Variants in LRMDA observed in about 807,000 individuals in gnomAD.
LRMDA encodes leucine-rich melanocyte differentiation-associated protein.
In LRMDA, 18 loss-of-function variants were observed where a neutral mutation model predicts 29.8. That is an observed-to-expected ratio of 0.60 (90% CI 0.42 to 0.90). The LOEUF (loss-of-function observed/expected upper bound fraction) is 0.90. Among genes scored for constraint, LRMDA ranks in the 40% least tolerant of loss-of-function variants. The pLI, the probability that LRMDA is intolerant of heterozygous loss-of-function variation, is 0.00. For synonymous variants in LRMDA, 125 were observed against 109.4 expected (o/e 1.14, Z -0.89); for missense variants, 273 against 273.9 (o/e 1.00, Z 0.02).
intron 2 of LRMDA, among the ~76,000 whole-genome samples, chr10:75,580,410 A>T (rs1207190576): frequency 6.6e-6 from 1 of 152,246 alleles, no homozygotes. Context: ...GCTCAAGGAA[A>T]TAAAAGAGGA....
chr10:75,439,070 A>C (rs1844296626), intron 2 of LRMDA, among the ~76,000 whole-genome samples: 1 of 152,200 alleles, frequency 6.6e-6, no homozygotes, highest in Non-Finnish European at 1.5e-5. Context: ...ACTCTCTGAC[A>C]ACTGTTCCAG....
intron 6 of LRMDA, among the ~76,000 whole-genome samples, chr10:76,542,064 T>C (rs1182527154): frequency 6.6e-6 from 1 of 152,042 alleles, no homozygotes. Context: ...CGTGTGTGTG[T>C]GTGTGTGTGT....
At chr10:75,520,828 T>G (rs575470319) in intron 2 of LRMDA, among the ~76,000 whole-genome samples, 5 of 152,326 alleles carry the variant, frequency 3.3e-5, no homozygotes, top group African/African-American at 7.2e-5. Context: ...TTTATCTACC[T>G]TTGGTCTTTG....
chr10:75,788,056 C>T (rs1424958521), intron 2 of LRMDA, among the ~76,000 whole-genome samples: 1 of 123,922 alleles, frequency 8.1e-6, no homozygotes, highest in African/African-American at 2.8e-5. Flanking sequence ...CAAAAATTAG[C>T]TGGACGTGGT....
chr10:75,716,684 G>T lies in LRMDA; in HGVS notation c.131+278190G>T, dbSNP rs556769897. Among the ~76,000 whole-genome samples the T allele has an allele frequency of 7.9e-5, 12 of 152,230 alleles. No individual in the cohort carries two copies. The East Asian group carries it at 2.1e-3, about 27-fold the overall frequency. Reference sequence around the variant, plus strand: ...CATGGGGGTTCGATGGTGCCACTTGGGAGGGCCCTCCTCCCTGCCTCCTTC... The same window carrying T: ...CATGGGGGTTCGATGGTGCCACTTGTGAGGGCCCTCCTCCCTGCCTCCTTC... On this transcript the variant is annotated intron_variant, in intron 2 of 6. Coordinates refer to ENST00000611255, the MANE Select transcript of LRMDA (RefSeq NM_001305581.2).
In LRMDA at chr10:75,664,142, G is replaced by A. The variant is rs575297551; in HGVS notation, c.131+225648G>A. Reference sequence around the variant, plus strand: ...GCTGTTTTTATCCTTGGTCTAGATCGCTGACTCATGTGTTCTGTCTCTGGG... The same window carrying A: ...GCTGTTTTTATCCTTGGTCTAGATCACTGACTCATGTGTTCTGTCTCTGGG... On this transcript the variant is annotated intron_variant, in intron 2 of 6. Transcript: ENST00000611255. Among the ~76,000 whole-genome samples the A allele has an allele frequency of 9.9e-5, 15 of 152,100 alleles. No individual in the cohort carries two copies. In the South Asian group the frequency reaches 1.9e-3, roughly 19 times the overall value.
chr10:75,749,025 G>T (rs1744735661), intron 2 of LRMDA, among the ~76,000 whole-genome samples: 2 of 152,078 alleles, frequency 1.3e-5, no homozygotes, highest in Admixed American at 1.3e-4. Context: ...CCACTTATAT[G>T]TGGATTTTTT....
chr10:75,888,924 G>T (rs913480152), intron 2 of LRMDA, among the ~76,000 whole-genome samples: 3 of 152,192 alleles, frequency 2.0e-5, no homozygotes, highest in Non-Finnish European at 4.4e-5. Flanking sequence ...TGGGCCTTTT[G>T]TAGCAATCTA....
intron 6 of LRMDA, among the ~76,000 whole-genome samples, chr10:76,488,184 T>C (rs147310713): frequency 2.6e-3 from 401 of 151,990 alleles, no homozygotes; most frequent in African/African-American, 9.3e-3. Flanking sequence ...CTGTTTTTCT[T>C]TTCCTTTTCT....
intron 2 of LRMDA, among the ~76,000 whole-genome samples, chr10:75,777,076 C>A (rs935764868): frequency 6.6e-6 from 1 of 152,166 alleles, no homozygotes; most frequent in Non-Finnish European, 1.5e-5. Context: ...GCCGGGTTTA[C>A]TCTGTTTGTA....
At chr10:76,094,260 T>A (rs1393377857) in intron 5 of LRMDA, among the ~76,000 whole-genome samples, 1 of 152,234 alleles carries the variant, frequency 6.6e-6, no homozygotes, top group Non-Finnish European at 1.5e-5. Flanking sequence ...GCATGTGTAC[T>A]GTAGATAAGT....
At chr10:75,436,501 T>G (rs1433956711) in intron 1 of LRMDA, among the ~76,000 whole-genome samples, 1 of 151,344 alleles carries the variant, frequency 6.6e-6, no homozygotes, top group Non-Finnish European at 1.5e-5. Flanking sequence ...CAAGTCTGGC[T>G]CTGTCGCCCA....
At chr10:75,965,044 G>A (rs969029288) in intron 2 of LRMDA, among the ~76,000 whole-genome samples, 1 of 152,222 alleles carries the variant, frequency 6.6e-6, no homozygotes, top group Admixed American at 6.5e-5. Flanking sequence ...GGGATTACAG[G>A]TGTGAGCCAC....
chr10:75,456,327 G>T (rs1844517386), intron 2 of LRMDA, among the ~76,000 whole-genome samples: 1 of 152,238 alleles, frequency 6.6e-6, no homozygotes. Flanking sequence ...ACCCAGCAAG[G>T]CCCTGTGGGC....
At chr10:75,562,537 T>C (rs1195624830) in intron 2 of LRMDA, among the ~76,000 whole-genome samples, 2 of 152,142 alleles carry the variant, frequency 1.3e-5, no homozygotes, top group African/African-American at 2.4e-5. Context: ...ACATTTAAAG[T>C]TAATATTGTT....
intron 5 of LRMDA, among the ~76,000 whole-genome samples, chr10:76,179,169 T>A (rs1850994868): frequency 6.6e-6 from 1 of 152,114 alleles, no homozygotes; most frequent in Non-Finnish European, 1.5e-5. Flanking sequence ...TAGAATGGAG[T>A]TGATGACTGA....
chr10:76,000,024 G>T (rs559968370), intron 2 of LRMDA, among the ~76,000 whole-genome samples: 1 of 152,032 alleles, frequency 6.6e-6, no homozygotes, highest in East Asian at 1.9e-4. Flanking sequence ...TCAATAATTT[G>T]TCTGTCAAAA....
At chr10:75,546,882 A>T (rs1037807273) in intron 2 of LRMDA, among the ~76,000 whole-genome samples, 1 of 152,172 alleles carries the variant, frequency 6.6e-6, no homozygotes. Context: ...GTATTATTTC[A>T]CTGAATCCTC....
intron 2 of LRMDA, among the ~76,000 whole-genome samples, chr10:75,698,167 T>G (rs1842262078): frequency 6.6e-6 from 1 of 152,204 alleles, no homozygotes; most frequent in Non-Finnish European, 1.5e-5. Context: ...CGGGGCTTCC[T>G]TCCTCCCTGT....
Sources: gnomAD v4.1 joint callset for allele counts (sites outside exome capture counted in the v4.1 genomes callset) on GRCh38, gnomAD v4.1.1 for gene constraint, MANE v1.5 for transcripts, NCBI Gene and HGNC (gene_info 2026-07-23, HGNC 2026-07-21) for gene names.